Variants in PDE3A observed in about 807,000 individuals in gnomAD.
PDE3A encodes cGMP-inhibited 3',5'-cyclic phosphodiesterase 3A.
PDE3A carries 43 observed loss-of-function variants against 98.3 expected under a neutral mutation model. The observed-to-expected ratio is 0.44, with a 90% CI of 0.34 to 0.56. The LOEUF (loss-of-function observed/expected upper bound fraction) is 0.56. Ranked by LOEUF, PDE3A falls within the 20% of genes least tolerant of loss-of-function variation. PDE3A has a pLI of 0.01. For synonymous variants in PDE3A, 663 were observed against 567.9 expected (o/e 1.17, Z -2.38); for missense variants, 1,427 against 1,440.7 (o/e 0.99, Z 0.15).
chr12:20,647,720 G>A (rs541305087), intron 12 of PDE3A, among the ~76,000 whole-genome samples: 1 of 151,652 alleles, frequency 6.6e-6, no homozygotes, highest in Non-Finnish European at 1.5e-5. Flanking sequence ...CATCTTATAG[G>A]CTATTCTATA....
intron 1 of PDE3A, among the ~76,000 whole-genome samples, chr12:20,480,947 T>C (rs1034285848): frequency 2.6e-5 from 4 of 152,240 alleles, no homozygotes; most frequent in African/African-American, 9.6e-5. Flanking sequence ...TAACCAGTGC[T>C]CTGGAGTCTT....
At chr12:20,618,608 G>C (rs1461393016) in intron 4 of PDE3A, among the ~76,000 whole-genome samples, 1 of 152,028 alleles carries the variant, frequency 6.6e-6, no homozygotes, top group Non-Finnish European at 1.5e-5. Flanking sequence ...TGTTCTTAGA[G>C]GCAAGTCATT....
At chr12:20,601,825 CTT>C (rs751930773) in intron 2 of PDE3A, among the ~76,000 whole-genome samples, 1 of 151,670 alleles carries the variant, frequency 6.6e-6, no homozygotes, top group Non-Finnish European at 1.5e-5. Flanking sequence ...GGCAGTAGCA[CTT>C]GTTTTAAAAG....
At chr12:20,496,549 TTC>T (rs890777242) in intron 1 of PDE3A, among the ~76,000 whole-genome samples, 1 of 142,584 alleles carries the variant, frequency 7.0e-6, no homozygotes, top group Non-Finnish European at 1.5e-5. Context: ...ACACCCCGAA[TTC>T]TCTCTCTGCT....
chr12:20,619,189 T>C (rs1944076816), intron 4 of PDE3A, among the ~76,000 whole-genome samples: 1 of 152,064 alleles, frequency 6.6e-6, no homozygotes, highest in African/African-American at 2.4e-5. Context: ...ATTTATTGTA[T>C]TAATAGTAAA....
intron 10 of PDE3A, among the ~76,000 whole-genome samples, chr12:20,640,227 T>C (rs1944614940): frequency 6.6e-6 from 1 of 152,140 alleles, no homozygotes. Flanking sequence ...CTGATTCATA[T>C]GATTGTTAGG....
intron 1 of PDE3A, among the ~76,000 whole-genome samples, chr12:20,437,736 C>G (rs1944803010): frequency 6.6e-6 from 1 of 152,240 alleles, no homozygotes; most frequent in Non-Finnish European, 1.5e-5. Context: ...AGGCCTACCT[C>G]CAACATTGGG....
At chr12:20,532,536 TTACAAA>T (rs143120260) in intron 1 of PDE3A, among the ~76,000 whole-genome samples, 2,085 of 152,274 alleles carry the variant, frequency 0.014, 42 homozygotes, top group African/African-American at 0.048. Context: ...CTCTGGTTTC[TTACAAA>T]TACAGATTGG....
chr12:20,631,059 A>G (rs1279564153), intron 6 of PDE3A, among the ~76,000 whole-genome samples: 1 of 152,052 alleles, frequency 6.6e-6, no homozygotes, highest in Non-Finnish European at 1.5e-5. Context: ...TTTTTTACTC[A>G]TAAGTTCTGT....
At chr12:20,532,415 A>G (rs1440898630) in intron 1 of PDE3A, among the ~76,000 whole-genome samples, 1 of 152,144 alleles carries the variant, frequency 6.6e-6, no homozygotes, top group Non-Finnish European at 1.5e-5. Flanking sequence ...TTTTACATTT[A>G]TTAAGCTGAC....
At chr12:20,428,425 G>A (rs1003785656) in intron 1 of PDE3A, among the ~76,000 whole-genome samples, 3 of 151,784 alleles carry the variant, frequency 2.0e-5, no homozygotes, top group Non-Finnish European at 2.9e-5. Context: ...GACTACAGGC[G>A]CCCGCCGCCA....
chr12:20,564,979 A>T (rs1315470818), intron 2 of PDE3A, among the ~76,000 whole-genome samples: 1 of 152,236 alleles, frequency 6.6e-6, no homozygotes, highest in South Asian at 2.1e-4. Context: ...GGGACTGCAG[A>T]TAGTTTAAGC....
At chr12:20,374,643 G>A (rs528335375) in intron 1 of PDE3A, among the ~76,000 whole-genome samples, 2 of 152,066 alleles carry the variant, frequency 1.3e-5, no homozygotes, top group African/African-American at 2.4e-5. Context: ...GTTGAATAAA[G>A]GCTTTACCAA....
intron 1 of PDE3A, among the ~76,000 whole-genome samples, chr12:20,448,770 G>C (rs1945007542): frequency 1.3e-5 from 1 of 77,320 alleles, no homozygotes; most frequent in African/African-American, 3.3e-5. Flanking sequence ...TTTTTTTTGA[G>C]ATGGAGTCTT....
intron 1 of PDE3A, among the ~76,000 whole-genome samples, chr12:20,415,901 T>C (rs746420227): frequency 6.6e-6 from 1 of 152,182 alleles, no homozygotes; most frequent in Non-Finnish European, 1.5e-5. Context: ...CAGTCCAAAC[T>C]TGGACACATA....
At chr12:20,536,697 G>A (rs1223720753) in intron 1 of PDE3A, among the ~76,000 whole-genome samples, 1 of 151,990 alleles carries the variant, frequency 6.6e-6, no homozygotes, top group Non-Finnish European at 1.5e-5. Context: ...GTTTATCCAT[G>A]GTGAAGTATG....
intron 15 of PDE3A, among the ~76,000 whole-genome samples, chr12:20,666,436 C>A (rs1017403902): frequency 6.6e-6 from 1 of 152,260 alleles, no homozygotes; most frequent in South Asian, 2.1e-4. Flanking sequence ...AACCCCCAAC[C>A]ATACACCCTT....
intron 2 of PDE3A, among the ~76,000 whole-genome samples, chr12:20,565,020 A>G (rs1463456808): frequency 2.0e-5 from 3 of 152,116 alleles, no homozygotes; most frequent in African/African-American, 7.2e-5. Context: ...GTACAAAAGC[A>G]TATTTTGAGA....
intron 1 of PDE3A, among the ~76,000 whole-genome samples, chr12:20,531,722 T>A (rs901310986): frequency 3.3e-5 from 5 of 152,176 alleles, no homozygotes; most frequent in Non-Finnish European, 1.5e-5. Flanking sequence ...AAGTATATCC[T>A]TATTAGAGAA....
Sources: allele counts gnomAD v4.1 joint callset (sites outside exome capture counted in the v4.1 genomes callset), GRCh38; gene constraint gnomAD v4.1.1; transcripts MANE v1.5; gene names NCBI Gene and HGNC (gene_info 2026-07-23, HGNC 2026-07-21).